The following TBC1D4 variants were observed in gnomAD, a reference collection of about 807,000 sequenced individuals.
TBC1D4 encodes the protein TBC (Tre-2, BUB2, CDC16) domain-containing protein.
A neutral mutation model predicts 142.5 loss-of-function variants in TBC1D4; 121 were observed. The observed-to-expected ratio is 0.85, with a 90% confidence interval of 0.73 to 0.99. The LOEUF (loss-of-function observed/expected upper bound fraction) is 0.99. Ranked by LOEUF, TBC1D4 falls within the 50% of genes least tolerant of loss-of-function variation. The pLI, the probability that TBC1D4 is intolerant of heterozygous loss-of-function variation, is 0.00. For missense variants in TBC1D4, 1,475 were observed against 1,606.6 expected, an observed-to-expected ratio of 0.92 and a Z score of 1.40; for synonymous variants, 630 against 628.2, an observed-to-expected ratio of 1.00 and a Z score of -0.04.
At chr13:75,290,189 T>C (rs1875143335) in intron 19 of TBC1D4, among the ~76,000 whole-genome samples, 1 of 152,122 alleles carries the variant, frequency 6.6e-6, no homozygotes, top group East Asian at 1.9e-4. Context: ...TTTTTATATG[T>C]ATATATAAGC....
chr13:75,299,716 C>A, intron 16 of TBC1D4, 142 bp from the exon 17 acceptor site: 1 of 1,007,222 alleles, frequency 9.9e-7, no homozygotes, highest in South Asian at 1.5e-5. Context: ...CACCATGTAA[C>A]TAAGAGTCTC....
At chr13:75,369,503 AC>A (rs2138204040) in intron 1 of TBC1D4, among the ~76,000 whole-genome samples, 1 of 37,010 alleles carries the variant, frequency 2.7e-5, no homozygotes, top group African/African-American at 2.1e-4. Flanking sequence ...TGTCTCACAC[AC>A]ACACACACAC....
At chr13:75,319,907 G>A (rs1878611071) in intron 12 of TBC1D4, 107 bp downstream of exon 12, 23 of 1,135,762 alleles carry the variant, frequency 2.0e-5, no homozygotes, top group Non-Finnish European at 3.0e-5. Flanking sequence ...CAGAAAGATG[G>A]CATGCATTCA....
chr13:75,413,287 G>A lies in TBC1D4; in HGVS notation c.499-50680C>T, dbSNP rs191118104. Among the ~76,000 whole-genome samples the A allele has an allele frequency of 1.5e-3, 225 of 151,686 alleles. 2 individuals carry two copies. Among genetic ancestry groups the A allele is most frequent in the African/African-American group, 5.2e-3 (214 of 41,332 alleles). On this transcript the variant is annotated intron_variant, in intron 1 of 20. Transcript: ENST00000377636. Reference sequence around the variant, plus strand: ...AGCAATTCTCTTGCCTCAGCCTCCCGAGTAGCTGGGACTACAGGTGCGCAC... The same window carrying A: ...AGCAATTCTCTTGCCTCAGCCTCCCAAGTAGCTGGGACTACAGGTGCGCAC...
At chr13:75,478,388 T>TAAAGGAATTG (rs1888703907) in intron 1 of TBC1D4, among the ~76,000 whole-genome samples, 3 of 152,174 alleles carry the variant, frequency 2.0e-5, no homozygotes, top group Non-Finnish European at 4.4e-5. Context: ...ATAGGGCCAT[T>TAAAGGAATTG]GCATTAAAGG....
At chr13:75,458,800 C>G (rs1887843887) in intron 1 of TBC1D4, among the ~76,000 whole-genome samples, 1 of 152,014 alleles carries the variant, frequency 6.6e-6, no homozygotes, top group Non-Finnish European at 1.5e-5. Flanking sequence ...TAGGAGTTAG[C>G]TAATATTGTG....
chr13:75,397,928 A>G (rs1400654443), intron 1 of TBC1D4, among the ~76,000 whole-genome samples: 1 of 152,226 alleles, frequency 6.6e-6, no homozygotes, highest in African/African-American at 2.4e-5. Flanking sequence ...CCGAGGTACT[A>G]AGGCTTGGCT....
Position 75,481,658 on chromosome 13 carries a change from C to T in TBC1D4, c.110G>A (p.Arg37Gln), listed in dbSNP as rs752601636. Reference sequence around the variant, plus strand: ...GCACGACCCCCCAACGTACCACAGCCGGAACCGCTTATCGCTTGGCTTCCC... The same window carrying T: ...GCACGACCCCCCAACGTACCACAGCTGGAACCGCTTATCGCTTGGCTTCCC... ...GPGKPSDKRF[R>Q]LWYVGGSCLD... Residue 37 changes from arginine to glutamine, a missense_variant, in exon 1 of 21, where the codon CGG (arginine) becomes CAG (glutamine). Transcript: ENST00000377636. 4 of 1,602,394 alleles carry T rather than the reference C, an allele frequency of 2.5e-6. No homozygotes were observed. In the African/African-American group the frequency reaches 5.4e-5, roughly 22 times the overall value.
At chr13:75,338,894 C>G (rs1880442582) in intron 7 of TBC1D4, among the ~76,000 whole-genome samples, 1 of 152,222 alleles carries the variant, frequency 6.6e-6, no homozygotes. Flanking sequence ...TTCACAGCAA[C>G]TCCCTCTCCC....
Position 75,366,694 on chromosome 13 carries a change from AAT to A in TBC1D4, c.499-4089_499-4088del, listed in dbSNP as rs1471784310. 6.6e-4 allele frequency among the ~76,000 whole-genome samples: 101 copies of A among 152,206 alleles called. 2 individuals carry two copies. The highest frequency in any genetic ancestry group is 2.3e-3 in the African/African-American group (96 of 41,530). The stretch of plus-strand genomic sequence containing the variant: ...TCCTCACTCTAGACAAAAAAAAAAA[AAT>A]ATTGCTTCTAGATTCCTTGATGTCA... On this transcript the variant is annotated intron_variant, in intron 1 of 20. Coordinates refer to ENST00000377636, the MANE Select transcript of TBC1D4 (RefSeq NM_014832.5).
chr13:75,289,309 T>C (rs531784526), intron 19 of TBC1D4, among the ~76,000 whole-genome samples, 199 bp from the exon 20 acceptor site: 3 of 152,254 alleles, frequency 2.0e-5, no homozygotes, highest in Admixed American at 6.5e-5. Context: ...TAAAAACAGA[T>C]AGCTCTTTCT....
rs138373063 is a variant in TBC1D4, at chr13:75,451,932, A to G, written c.498+29338T>C. Among the ~76,000 whole-genome samples the G allele has an allele frequency of 7.3e-3, 1,114 of 152,122 alleles. 6 individuals carry two copies. Among genetic ancestry groups the G allele is most frequent in the Non-Finnish European group, 0.012 (832 of 67,956 alleles). On this transcript the variant is annotated intron_variant, in intron 1 of 20. Coordinates refer to ENST00000377636, the MANE Select transcript of TBC1D4 (RefSeq NM_014832.5). ...AAACCAAATAATTACTAGTGTTTAA[A>G]CTATTGTACTTCAATTAATTTTATA...
intron 1 of TBC1D4, among the ~76,000 whole-genome samples, chr13:75,438,357 A>G (rs138032938): frequency 0.012 from 1,889 of 152,334 alleles, 47 homozygotes; most frequent in African/African-American, 0.04. Context: ...ATGCCTTTCA[A>G]TATTAGCTGC....
chr13:75,297,545 G>A (rs928673768), intron 17 of TBC1D4, among the ~76,000 whole-genome samples: 5 of 151,936 alleles, frequency 3.3e-5, no homozygotes, highest in Non-Finnish European at 7.4e-5. Context: ...CCTGAGGTCC[G>A]GAAGTTTGAG....
intron 1 of TBC1D4, among the ~76,000 whole-genome samples, chr13:75,420,951 T>C (rs1886140846): frequency 6.6e-6 from 1 of 152,142 alleles, no homozygotes; most frequent in Admixed American, 6.5e-5. Flanking sequence ...GGGGAATTAT[T>C]TAGGCAGATT....
At chr13:75,420,144 C>T (rs184985916) in intron 1 of TBC1D4, among the ~76,000 whole-genome samples, 21 of 152,266 alleles carry the variant, frequency 1.4e-4, no homozygotes, top group African/African-American at 5.1e-4. Flanking sequence ...CAGGAAACTC[C>T]TCAGTGGCTA....
chr13:75,355,284 T>C (rs974672475), intron 4 of TBC1D4, among the ~76,000 whole-genome samples: 6 of 152,208 alleles, frequency 3.9e-5, no homozygotes, highest in Admixed American at 1.3e-4. Flanking sequence ...AATAATTTTC[T>C]GTAAACTTTT....
At chr13:75,348,052 G>A (rs533884057) in intron 5 of TBC1D4, among the ~76,000 whole-genome samples, 1 of 152,254 alleles carries the variant, frequency 6.6e-6, no homozygotes, top group East Asian at 1.9e-4. Context: ...GAGGCAGGAG[G>A]ATTGCTTGAA....
intron 2 of TBC1D4, 37 bp from the exon 3 acceptor site, chr13:75,359,895 T>C: frequency 6.6e-7 from 1 of 1,513,050 alleles, no homozygotes; most frequent in South Asian, 1.1e-5. Context: ...TTTCAATTCA[T>C]AAGGATCTAA....
Sources: allele counts gnomAD v4.1 joint callset (sites outside exome capture counted in the v4.1 genomes callset), GRCh38; gene constraint gnomAD v4.1.1; transcripts MANE v1.5; gene names NCBI Gene and HGNC (gene_info 2026-07-23, HGNC 2026-07-21).